The following NKAIN2 variants were observed in gnomAD, a reference collection of about 807,000 sequenced individuals.
NKAIN2 encodes sodium/potassium-transporting ATPase subunit beta-1-interacting protein 2.
Under a neutral mutation model 32.6 loss-of-function variants are expected in NKAIN2, and 14 were observed. The ratio of observed to expected loss-of-function variants is 0.43; its 90% CI spans 0.28 to 0.67. The LOEUF (loss-of-function observed/expected upper bound fraction) is 0.67, where lower values mean the gene tolerates loss of function less well. Among genes scored for constraint, NKAIN2 ranks in the 30% least tolerant of loss-of-function variants. The probability of loss-of-function intolerance (pLI) is 0.17; values close to 1 mark genes in which losing one functional copy is unlikely to be tolerated. For synonymous variants in NKAIN2, 80 were observed against 87.2 expected (o/e 0.92, Z 0.46); for missense variants, 198 against 258.3 (o/e 0.77, Z 1.60).
intron 1 of NKAIN2, among the ~76,000 whole-genome samples, chr6:123,939,489 G>A (rs1776718060): frequency 6.6e-6 from 1 of 151,872 alleles, no homozygotes. Flanking sequence ...TTCATTCATT[G>A]TAAAATGTGA....
chr6:124,407,455 T>C (rs1264278385), intron 3 of NKAIN2, among the ~76,000 whole-genome samples: 1 of 151,934 alleles, frequency 6.6e-6, no homozygotes, highest in African/African-American at 2.4e-5. Flanking sequence ...GTTTGGTTTT[T>C]TGTCCTTGCA....
At chr6:124,025,502 C>A (rs905399287) in intron 1 of NKAIN2, among the ~76,000 whole-genome samples, 2 of 151,986 alleles carry the variant, frequency 1.3e-5, no homozygotes, top group Admixed American at 6.6e-5. Context: ...GAGTGAATGT[C>A]CTAAAGGAGT....
chr6:124,460,040 T>C (rs1304415728), intron 3 of NKAIN2, among the ~76,000 whole-genome samples: 2 of 151,672 alleles, frequency 1.3e-5, no homozygotes, highest in East Asian at 3.9e-4. Flanking sequence ...ATTCTATTTG[T>C]AGTCTTTCTA....
At chr6:124,453,075 A>G (rs950696012) in intron 3 of NKAIN2, among the ~76,000 whole-genome samples, 2 of 151,984 alleles carry the variant, frequency 1.3e-5, no homozygotes, top group Admixed American at 1.3e-4. Context: ...AAAAATTCTC[A>G]TCTCAATACC....
intron 1 of NKAIN2, chr6:124,121,994 T>C: frequency 5.5e-6 from 3 of 540,806 alleles, no homozygotes; most frequent in Non-Finnish European, 8.7e-6. Context: ...GTAATATATA[T>C]TTGAAGAACT....
intron 3 of NKAIN2, among the ~76,000 whole-genome samples, chr6:124,545,937 GC>G: frequency 6.6e-6 from 1 of 152,134 alleles, no homozygotes; most frequent in South Asian, 2.1e-4. Context: ...GAAGTAAGTA[GC>G]AACATTCAGA....
At chr6:124,096,210 A>T (rs1328433835) in intron 1 of NKAIN2, among the ~76,000 whole-genome samples, 1 of 152,198 alleles carries the variant, frequency 6.6e-6, no homozygotes, top group African/African-American at 2.4e-5. Context: ...TGGTCTCCAA[A>T]ATGTCATACA....
intron 2 of NKAIN2, among the ~76,000 whole-genome samples, chr6:124,300,390 G>A (rs1258821434): frequency 2.0e-5 from 3 of 152,228 alleles, no homozygotes; most frequent in East Asian, 3.9e-4. Flanking sequence ...GTGGAACTGT[G>A]AGTCAATTAA....
chr6:124,028,868 C>T (rs234485), intron 1 of NKAIN2, among the ~76,000 whole-genome samples: 1,044 of 34,186 alleles, frequency 0.031, 5 homozygotes, highest in African/African-American at 0.092. Context: ...TATATATACA[C>T]ATATATGTAT....
At position 124,638,887 on chromosome 6, in the gene NKAIN2, C is replaced by CAAAAAAAAAAAAAAA. The variant is rs35802663; in HGVS notation, c.274-19291_274-19277dup. ...GCCTGGGGGCAGAGTGAGACTCTGT[C>CAAAAAAAAAAAAAAA]AAAAAAAAAAAAAAAAAAAAAAGAT... is the stretch of plus-strand genomic sequence containing the variant. On this transcript the variant is annotated intron_variant, in intron 3 of 6. Coordinates refer to ENST00000368417, the MANE Select transcript of NKAIN2 (RefSeq NM_001040214.3). Among the ~76,000 whole-genome samples, 31 of 82,622 alleles carry CAAAAAAAAAAAAAAA rather than the reference C, an allele frequency of 3.8e-4. 2 individuals carry two copies. The highest frequency in any genetic ancestry group is 1.6e-3 in the African/African-American group (30 of 19,102). The allele number at this position is 82,622 out of a possible 152,430, so 54.2% of individuals were successfully genotyped here.
At chr6:124,037,351 C>T (rs1781649536) in intron 1 of NKAIN2, among the ~76,000 whole-genome samples, 1 of 152,120 alleles carries the variant, frequency 6.6e-6, no homozygotes, top group African/African-American at 2.4e-5. Flanking sequence ...GACTTGGACA[C>T]TAATTAGATA....
At chr6:124,643,526 T>C (rs1267584778) in intron 3 of NKAIN2, among the ~76,000 whole-genome samples, 5 of 152,190 alleles carry the variant, frequency 3.3e-5, no homozygotes, top group African/African-American at 1.2e-4. Flanking sequence ...GTATATTTTA[T>C]TTTTATACCT....
chr6:124,262,178 TGGAAG>T (rs1794285262), intron 1 of NKAIN2, among the ~76,000 whole-genome samples: 1 of 152,162 alleles, frequency 6.6e-6, no homozygotes, highest in African/African-American at 2.4e-5. Flanking sequence ...GACTTTCTTA[TGGAAG>T]GCAAATAGAC....
intron 2 of NKAIN2, among the ~76,000 whole-genome samples, chr6:124,323,944 C>T (rs1408737665): frequency 1.3e-5 from 2 of 152,012 alleles, no homozygotes; most frequent in East Asian, 1.9e-4. Flanking sequence ...CCTGCCACCA[C>T]ACTCGGCTAA....
intron 3 of NKAIN2, among the ~76,000 whole-genome samples, chr6:124,633,903 T>C (rs1783670928): frequency 6.6e-6 from 1 of 151,956 alleles, no homozygotes; most frequent in East Asian, 1.9e-4. Context: ...GCCAGCTTTT[T>C]CAGCAACGCT....
chr6:124,762,069 G>C (rs1383193214), intron 4 of NKAIN2, among the ~76,000 whole-genome samples: 1 of 152,046 alleles, frequency 6.6e-6, no homozygotes, highest in Non-Finnish European at 1.5e-5. Flanking sequence ...GCTCATATTA[G>C]TTTACCAAGG....
intron 1 of NKAIN2, among the ~76,000 whole-genome samples, chr6:124,170,504 G>T (rs112977679): frequency 9.4e-4 from 143 of 152,318 alleles, no homozygotes; most frequent in African/African-American, 3.4e-3. Context: ...ATCATTAAAT[G>T]TAATGGCTAG....
intron 3 of NKAIN2, among the ~76,000 whole-genome samples, chr6:124,382,439 A>G (rs1365098489): frequency 6.6e-6 from 1 of 152,190 alleles, no homozygotes; most frequent in East Asian, 1.9e-4. Context: ...ATTCTGGTAG[A>G]GTTCTGTGTA....
chr6:124,775,965 G>A (rs934247047), intron 4 of NKAIN2, among the ~76,000 whole-genome samples: 6 of 152,158 alleles, frequency 3.9e-5, no homozygotes, highest in African/African-American at 7.2e-5. Flanking sequence ...TCATTGTACA[G>A]CATAAGAGGA....
Sources: allele counts gnomAD v4.1 joint callset (sites outside exome capture counted in the v4.1 genomes callset), GRCh38; gene constraint gnomAD v4.1.1; transcripts MANE v1.5; gene names NCBI Gene and HGNC (gene_info 2026-07-23, HGNC 2026-07-21).